Variants in PDE3B observed in about 807,000 individuals in gnomAD.
PDE3B encodes phosphodiesterase 3B, also known as cGMP-inhibited 3',5'-cyclic phosphodiesterase 3B.
Under a neutral mutation model 116.8 loss-of-function variants are expected in PDE3B, and 66 were observed. That is an observed-to-expected ratio of 0.56 (90% CI 0.46 to 0.69). The LOEUF (loss-of-function observed/expected upper bound fraction) is 0.69, where lower values mean the gene tolerates loss of function less well. PDE3B is among the 30% of genes least tolerant of loss of function. PDE3B has a pLI of 0.00. For missense variants in PDE3B, 1,384 were observed against 1,368.1 expected, an observed-to-expected ratio of 1.01 and a Z score of -0.18; for synonymous variants, 595 against 533.6, an observed-to-expected ratio of 1.12 and a Z score of -1.59.
At chr11:14,689,312 A>T (rs1854982301) in intron 1 of PDE3B, among the ~76,000 whole-genome samples, 1 of 152,148 alleles carries the variant, frequency 6.6e-6, no homozygotes, top group African/African-American at 2.4e-5. Context: ...GGAAAAGACG[A>T]GTGGGCAATT....
At chr11:14,712,835 A>T (rs184721835) in intron 1 of PDE3B, among the ~76,000 whole-genome samples, 1 of 152,306 alleles carries the variant, frequency 6.6e-6, no homozygotes, top group East Asian at 1.9e-4. Context: ...TTTCTTTGCA[A>T]GCAATTGTAT....
chr11:14,801,737 C>T (rs545505370), intron 4 of PDE3B, among the ~76,000 whole-genome samples: 2 of 152,288 alleles, frequency 1.3e-5, no homozygotes, highest in African/African-American at 4.8e-5. Flanking sequence ...CACCCGTAGC[C>T]ACCCCTTCCC....
intron 7 of PDE3B, among the ~76,000 whole-genome samples, chr11:14,828,820 A>G (rs922030880): frequency 1.3e-5 from 2 of 152,212 alleles, no homozygotes; most frequent in African/African-American, 2.4e-5. Flanking sequence ...GTATATATCC[A>G]AAGGAATATA....
intron 2 of PDE3B, among the ~76,000 whole-genome samples, chr11:14,785,895 A>G (rs1340771472): frequency 6.6e-6 from 1 of 151,982 alleles, no homozygotes; most frequent in Non-Finnish European, 1.5e-5. Context: ...TAAATCATAC[A>G]TTATACACTG....
At chr11:14,864,844 T>C (rs541628808) in intron 14 of PDE3B, among the ~76,000 whole-genome samples, 71 of 152,288 alleles carry the variant, frequency 4.7e-4, no homozygotes, top group African/African-American at 1.6e-3. Flanking sequence ...AAGCAGTGTT[T>C]AGAGGGAAAT....
At chr11:14,658,549 G>T (rs1175771569) in intron 1 of PDE3B, among the ~76,000 whole-genome samples, 1 of 152,092 alleles carries the variant, frequency 6.6e-6, no homozygotes, top group African/African-American at 2.4e-5. Context: ...AGAGACGGGG[G>T]TTTTGCCATG....
intron 1 of PDE3B, among the ~76,000 whole-genome samples, chr11:14,713,741 A>G (rs180696190): frequency 7.3e-5 from 11 of 151,160 alleles, no homozygotes; most frequent in Non-Finnish European, 1.3e-4. Context: ...CACACATACT[A>G]TTGTTTCTGT....
At chr11:14,676,509 T>C (rs1192421698) in intron 1 of PDE3B, among the ~76,000 whole-genome samples, 1 of 152,136 alleles carries the variant, frequency 6.6e-6, no homozygotes, top group Non-Finnish European at 1.5e-5. Flanking sequence ...TTACCATGAA[T>C]GGAGCTTGCA....
At chr11:14,865,603 A>G (rs1590203616) in intron 14 of PDE3B, among the ~76,000 whole-genome samples, 2 of 152,348 alleles carry the variant, frequency 1.3e-5, no homozygotes, top group East Asian at 3.9e-4. Flanking sequence ...GCCGTACTGT[A>G]TAATCATGGA....
chr11:14,893,486 T>G, the PDE3B span, among the ~76,000 whole-genome samples: 2 of 152,206 alleles, frequency 1.3e-5, no homozygotes, highest in East Asian at 3.8e-4. Context: ...ATTCTTGAGG[T>G]GAGAAGTCCA....
chr11:14,711,192 A>AT (rs1446253286), intron 1 of PDE3B, among the ~76,000 whole-genome samples: 21 of 152,210 alleles, frequency 1.4e-4, no homozygotes, highest in African/African-American at 5.1e-4. Flanking sequence ...CATTTACCAC[A>AT]TTTAGAAGCT....
chr11:14,841,615 T>C (rs1860227115), intron 11 of PDE3B, among the ~76,000 whole-genome samples: 1 of 146,660 alleles, frequency 6.8e-6, no homozygotes, highest in African/African-American at 2.5e-5. Context: ...ACTGAGTAAT[T>C]TGTGAAGGAA....
intron 1 of PDE3B, among the ~76,000 whole-genome samples, chr11:14,647,421 T>G (rs918457183): frequency 1.3e-5 from 2 of 152,046 alleles, no homozygotes; most frequent in African/African-American, 2.4e-5. Flanking sequence ...CTTCTAATTC[T>G]AAAATTAAAT....
intron 1 of PDE3B, among the ~76,000 whole-genome samples, chr11:14,696,442 A>G (rs1855210484): frequency 1.3e-5 from 2 of 152,160 alleles, no homozygotes; most frequent in Non-Finnish European, 2.9e-5. Flanking sequence ...TTTGCTTCAC[A>G]TTCTCAAGAA....
chr11:14,690,240 C>G (rs569171996), intron 1 of PDE3B, among the ~76,000 whole-genome samples: 2 of 152,114 alleles, frequency 1.3e-5, no homozygotes, highest in African/African-American at 2.4e-5. Context: ...TCTTCCAAAT[C>G]GAATGGTTTA....
rs1240147096 is a variant in PDE3B, at chr11:14,867,501, T to C, written c.2887-5T>C. On this transcript the variant is annotated splice_region_variant and splice_polypyrimidine_tract_variant and intron_variant, in intron 14 of 15. Coordinates refer to ENST00000282096, the MANE Select transcript of PDE3B (RefSeq NM_000922.4). ...AAAATGTACTTTTCTTTTTAAAATA[T>C]GCAGGGAGATGAAGAAGCAAATCTT... The C allele has an allele frequency of 3.7e-6, 6 of 1,611,786 alleles. No homozygotes were observed. Among genetic ancestry groups the C allele is most frequent in the African/African-American group, 1.3e-5 (1 of 74,836 alleles).
chr11:14,646,804 G>A (rs1031252552), intron 1 of PDE3B, among the ~76,000 whole-genome samples: 121 of 152,102 alleles, frequency 8.0e-4, no homozygotes, highest in African/African-American at 2.7e-3. Flanking sequence ...GCTATACCAG[G>A]TAGCTTCAAT....
the PDE3B span, chr11:14,887,691 A>G: frequency 1.0e-6 from 1 of 967,784 alleles, no homozygotes; most frequent in African/African-American, 1.8e-5. Context: ...CCTACTCATA[A>G]TTTTTCACTC....
intron 1 of PDE3B, among the ~76,000 whole-genome samples, chr11:14,718,080 A>G (rs1255277019): frequency 1.3e-5 from 2 of 149,898 alleles, no homozygotes; most frequent in African/African-American, 2.5e-5. Flanking sequence ...AGGAAGATCT[A>G]CCAAGCCAAT....
Sources: allele counts gnomAD v4.1 joint callset (sites outside exome capture counted in the v4.1 genomes callset), GRCh38; gene constraint gnomAD v4.1.1; transcripts MANE v1.5; gene names NCBI Gene and HGNC (gene_info 2026-07-23, HGNC 2026-07-21).